IBTK: variants seen among roughly 807,000 people sequenced by gnomAD.
The protein encoded by IBTK is inhibitor of Bruton tyrosine kinase.
A neutral mutation model predicts 154.9 loss-of-function variants in IBTK; 83 were observed. The ratio of observed to expected loss-of-function variants is 0.54; its 90% CI spans 0.45 to 0.64. The LOEUF is 0.64. Among genes scored for constraint, IBTK ranks in the 30% least tolerant of loss-of-function variants. The probability of loss-of-function intolerance (pLI) is 0.00; values close to 1 mark genes in which losing one functional copy is unlikely to be tolerated. For synonymous variants in IBTK, 515 were observed against 536.1 expected (o/e 0.96, Z 0.54); for missense variants, 1,332 against 1,584.6 (o/e 0.84, Z 2.71).
chr6:82,240,047 A>C, intron 2 of IBTK, 119 bp downstream of exon 2: 1 of 742,944 alleles, frequency 1.3e-6, no homozygotes, highest in South Asian at 1.9e-5. Context: ...GTAGTAAGAG[A>C]TAGCAAACAA....
intron 10 of IBTK, 127 bp from the exon 11 acceptor site, chr6:82,216,377 T>G: frequency 1.6e-6 from 1 of 634,740 alleles, no homozygotes. Context: ...ATTCAGTGTT[T>G]TTGAAGAACT....
chr6:82,223,748 C>T, intron 7 of IBTK, 128 bp from the exon 8 acceptor site: 1 of 720,922 alleles, frequency 1.4e-6, no homozygotes, highest in Non-Finnish European at 2.2e-6. Context: ...CCCTTGAGCC[C>T]TGGAGCTCGA....
At chr6:82,234,782 C>T (rs1770653675) in intron 2 of IBTK, among the ~76,000 whole-genome samples, 1 of 152,126 alleles carries the variant, frequency 6.6e-6, no homozygotes, top group Non-Finnish European at 1.5e-5. Context: ...ACATATCCGA[C>T]TCTTGCTGGA....
chr6:82,183,149 C>T (rs1391771448), intron 25 of IBTK, among the ~76,000 whole-genome samples: 2 of 152,152 alleles, frequency 1.3e-5, no homozygotes, highest in Non-Finnish European at 2.9e-5. Context: ...GTGGCTCATG[C>T]CTGTAATCCC....
Position 82,225,555 on chromosome 6 carries a change from A to G in IBTK, c.747T>C (p.Cys249=). The change falls in exon 6 of 29, where the codon TGT becomes TGC. Residue 249 remains cysteine (C), a synonymous_variant. Transcript: ENST00000306270. ...DHTVVLTEDG[C]VYTFGLNIFH... is the part of the protein sequence containing the mutation. ...AAATGTTTAGACCAAATGTATAAAC[A>G]CATCCATCTTCAGTTAATACAACAG... The G allele has an allele frequency of 1.2e-6, 2 of 1,612,866 alleles. No individual in the cohort carries two copies. Among genetic ancestry groups the G allele is most frequent in the East Asian group, 4.5e-5 (2 of 44,840 alleles).
rs1562090897 is a variant in IBTK, at chr6:82,210,796, CCTAA to C, written c.2509+14_2509+17del. 3 of 1,173,766 alleles carry C rather than the reference CCTAA, an allele frequency of 2.6e-6. No individual in the cohort carries two copies. Among genetic ancestry groups the C allele is most frequent in the Non-Finnish European group, 3.6e-6 (3 of 826,594 alleles). 72.7% of individuals were successfully genotyped at this position (1,173,766 alleles called of 1,614,324 possible). A position where few individuals can be genotyped will look rare whatever the true frequency, so the allele number is the denominator to read the frequency against. On this transcript the variant is annotated intron_variant, in intron 16 of 28. Coordinates refer to ENST00000306270, the MANE Select transcript of IBTK (RefSeq NM_015525.4). ...ATTATATGTGAAGTATCTACAATGT[CCTAA>C]CTCTTATTAATACCTTTTATCACCA...
intron 21 of IBTK, among the ~76,000 whole-genome samples, chr6:82,196,928 C>T (rs2127805733): frequency 6.6e-6 from 1 of 152,336 alleles, no homozygotes; most frequent in East Asian, 1.9e-4. Flanking sequence ...TGACTGACCC[C>T]ATAGCAGAGG....
At position 82,210,868 on chromosome 6, in the gene IBTK, T is replaced by TA. The variant is rs1431865440; in HGVS notation, c.2454dup (p.Ile819TyrfsTer12). 6.3e-7 allele frequency: 1 copy of TA among 1,578,122 alleles called. No individual in the cohort carries two copies. Among genetic ancestry groups the TA allele is most frequent in the Admixed American group, 1.9e-5 (1 of 53,514 alleles). Reference sequence around the variant, plus strand: ...AGGTAGTCCAAAATAACTTTTAATATATCAGAATGTATTGGCATTTCCAGA... The same window carrying TA: ...AGGTAGTCCAAAATAACTTTTAATATAATCAGAATGTATTGGCATTTCCAGA... On this transcript the variant is annotated frameshift_variant, in exon 16 of 29. Coordinates refer to ENST00000306270, the MANE Select transcript of IBTK (RefSeq NM_015525.4). LOFTEE classifies it high-confidence loss of function.
chr6:82,215,965 A>G, intron 11 of IBTK, 111 bp downstream of exon 11: 1 of 701,726 alleles, frequency 1.4e-6, no homozygotes, highest in Non-Finnish European at 2.4e-6. Context: ...TAAGGTCTCT[A>G]TAGGTCTTGG....
Position 82,214,457 on chromosome 6 carries a change from T to C in IBTK, c.1974A>G (p.Glu658=), listed in dbSNP as rs762161397. The C allele has an allele frequency of 1.1e-5, 17 of 1,614,096 alleles. No individual in the cohort carries two copies. The highest frequency in any genetic ancestry group is 1.3e-5 in the Non-Finnish European group (15 of 1,179,974). ...KPRIHLNKNP[E]EYQGTLNSHL... is the part of the protein sequence containing the mutation. ...GAGAATTCAGAGTTCCCTGATATTC[T>C]TCTGGGTTTTTGTTTAAGTGTATTC... Residue 658 remains glutamate (E), a synonymous_variant, in exon 12 of 29, where the codon GAA becomes GAG. Transcript: ENST00000306270.
intron 17 of IBTK, among the ~76,000 whole-genome samples, chr6:82,204,353 A>G (rs2127809501): frequency 6.6e-6 from 1 of 152,336 alleles, no homozygotes; most frequent in African/African-American, 2.4e-5. Context: ...TTTGGATTTC[A>G]AAGTACAGTG....
chr6:82,196,772 G>A (rs1470444175), intron 21 of IBTK, among the ~76,000 whole-genome samples: 4 of 152,128 alleles, frequency 2.6e-5, no homozygotes, highest in Admixed American at 2.6e-4. Context: ...AAGAGACAAA[G>A]GAGAAAGGGA....
Position 82,194,571 on chromosome 6 carries a change from C to T in IBTK, c.3246G>A (p.Lys1082=). The change falls in exon 23 of 29, where the codon AAG becomes AAA. Residue 1082 remains lysine (K), a synonymous_variant. Transcript: ENST00000306270. ...GAGCAGATATTTTAAGTATTGGTGACTTTTCCCATGGTTTTAAATCTTCCC... is the reference window on the plus strand; with the variant it reads ...GAGCAGATATTTTAAGTATTGGTGATTTTTCCCATGGTTTTAAATCTTCCC... ...YSREDLKPWE[K]SPILKISAPQ... is the part of the protein sequence containing the mutation. The T allele has an allele frequency of 6.2e-7, 1 of 1,611,858 alleles. No individual in the cohort carries two copies. The highest frequency in any genetic ancestry group is 8.5e-7 in the Non-Finnish European group (1 of 1,178,808).
At chr6:82,208,464 T>C (rs1769497361) in intron 16 of IBTK, among the ~76,000 whole-genome samples, 1 of 152,028 alleles carries the variant, frequency 6.6e-6, no homozygotes, top group African/African-American at 2.4e-5. Context: ...CATAGACAAT[T>C]TGGACATCAT....
Position 82,220,700 on chromosome 6 carries a change from T to C in IBTK, c.1138A>G (p.Lys380Glu). The C allele has an allele frequency of 6.3e-7, 1 of 1,590,962 alleles. No homozygotes were observed. Among genetic ancestry groups the C allele is most frequent in the Non-Finnish European group, 8.5e-7 (1 of 1,171,998 alleles). ...KKMASKQLNL[K>E]KVLVSGGHME... ...TGACCCCCAGACACAAGAACTTTTTTCAAGTTCAACTGTCTAGATGAAAAA... is the reference window on the plus strand; with the variant it reads ...TGACCCCCAGACACAAGAACTTTTTCCAAGTTCAACTGTCTAGATGAAAAA... Residue 380 changes from lysine to glutamate, a missense_variant, in exon 9 of 29, where the codon AAA becomes GAA. Physicochemically the swap from Lys to Glu is moderately conservative, Grantham distance 56 (BLOSUM62 1). This residue lies in a region of IBTK where 1,134 missense variants were observed against 1,274.7 expected (regional missense o/e 0.89). Coordinates refer to ENST00000306270, the MANE Select transcript of IBTK (RefSeq NM_015525.4).
chr6:82,217,358 C>T lies in IBTK; in HGVS notation c.1426+602G>A, dbSNP rs116689035. 6.6e-3 allele frequency among the ~76,000 whole-genome samples: 1,006 copies of T among 152,214 alleles called. 9 individuals are homozygous for T. Among genetic ancestry groups the T allele is most frequent in the African/African-American group, 0.023 (941 of 41,556 alleles). ...ACACTCAGTCATTCCAATTTCTATG[C>T]TCTCAAGAAACTTATTATGTGGATA... On this transcript the variant is annotated intron_variant, in intron 10 of 28. Coordinates refer to ENST00000306270, the MANE Select transcript of IBTK (RefSeq NM_015525.4).
intron 3 of IBTK, among the ~76,000 whole-genome samples, chr6:82,232,782 G>A (rs1301994741): frequency 6.6e-6 from 1 of 152,176 alleles, no homozygotes; most frequent in Non-Finnish European, 1.5e-5. Flanking sequence ...TTGAGAGGCC[G>A]AGGAGGGAGG....
intron 12 of IBTK, among the ~76,000 whole-genome samples, chr6:82,213,825 C>T (rs1239352839): frequency 6.6e-6 from 1 of 151,144 alleles, no homozygotes; most frequent in African/African-American, 2.4e-5. Flanking sequence ...ATGTACCTCC[C>T]CAAAAAAAGG....
At chr6:82,238,350 G>C (rs1261413245) in intron 2 of IBTK, among the ~76,000 whole-genome samples, 2 of 152,010 alleles carry the variant, frequency 1.3e-5, no homozygotes, top group African/African-American at 4.8e-5. Context: ...AATGACATTG[G>C]GGTGTATTTC....
Sources: gnomAD v4.1 joint callset for allele counts (sites outside exome capture counted in the v4.1 genomes callset) on GRCh38, gnomAD v4.1.1 for gene constraint, gnomAD v4.1.1 regional missense constraint, MANE v1.5 for transcripts, NCBI Gene and HGNC (gene_info 2026-07-23, HGNC 2026-07-21) for gene names.